The following THSD7B variants were observed in gnomAD, a reference collection of about 807,000 sequenced individuals.
THSD7B encodes thrombospondin type 1 domain containing 7B, also known as thrombospondin type-1 domain-containing protein 7B.
In THSD7B, 138 loss-of-function variants were observed where a neutral mutation model predicts 213.6. That is an observed-to-expected ratio of 0.65 (90% CI 0.56 to 0.74). The LOEUF (loss-of-function observed/expected upper bound fraction) is 0.74. THSD7B is among the 30% of genes least tolerant of loss of function. THSD7B has a pLI of 0.00. For missense variants in THSD7B, 1,931 were observed against 1,991.5 expected (o/e 0.97, Z 0.58); for synonymous variants, 742 against 687.0 (o/e 1.08, Z -1.25).
intron 5 of THSD7B, among the ~76,000 whole-genome samples, chr2:137,115,662 T>C (rs1054791118): frequency 1.3e-5 from 2 of 152,192 alleles, no homozygotes; most frequent in African/African-American, 4.8e-5. Context: ...TTTATGTGTG[T>C]GAATTTTTGA....
intron 1 of THSD7B, among the ~76,000 whole-genome samples, chr2:136,873,265 C>T (rs1302260099): frequency 6.6e-6 from 1 of 152,032 alleles, no homozygotes; most frequent in African/African-American, 2.4e-5. Context: ...ATATAGCAAA[C>T]CAAAGACACA....
chr2:136,912,102 C>G (rs1442370485), intron 2 of THSD7B, among the ~76,000 whole-genome samples: 1 of 151,864 alleles, frequency 6.6e-6, no homozygotes, highest in Non-Finnish European at 1.5e-5. Context: ...CACCTAAGGT[C>G]AAGAGTTCTA....
rs539294996 is a variant in THSD7B at position 137,273,003 on chromosome 2, A to G, written c.2396+341A>G. ...CTGGGGGCTGGGAGAAGAAATACAC[A>G]CCACACACACGGGAGAAGGAATACA... On this transcript the variant is annotated intron_variant, in intron 11 of 27. Transcript: ENST00000409968. Among the ~76,000 whole-genome samples, 188 of 138,754 alleles carry G rather than the reference A, an allele frequency of 1.4e-3. 1 individual carries two copies. Among genetic ancestry groups the G allele is most frequent in the Admixed American group, 4.9e-3 (66 of 13,470 alleles). The allele number at this position is 138,754 out of a possible 152,430, so 91.0% of individuals were successfully genotyped here.
At chr2:137,147,560 G>T (rs1035706830) in intron 5 of THSD7B, among the ~76,000 whole-genome samples, 3 of 151,586 alleles carry the variant, frequency 2.0e-5, no homozygotes, top group Admixed American at 6.6e-5. Flanking sequence ...CTTATAAAGA[G>T]GTTTAAGCTT....
intron 20 of THSD7B, among the ~76,000 whole-genome samples, chr2:137,638,204 T>C (rs1467966419): frequency 1.3e-5 from 2 of 152,170 alleles, no homozygotes; most frequent in African/African-American, 4.8e-5. Context: ...CCCAACCAAA[T>C]CTCAAACTTG....
chr2:137,552,210 T>TC (rs1419904272), intron 15 of THSD7B, among the ~76,000 whole-genome samples: 2 of 152,194 alleles, frequency 1.3e-5, no homozygotes, highest in Non-Finnish European at 2.9e-5. Context: ...GCTTTTTTTT[T>TC]CTATATAAAA....
Position 137,377,916 on chromosome 2 carries a change from C to T in THSD7B, c.2501-27697C>T, listed in dbSNP as rs576507369. ...CTGAAATTACAGGCATAAGCTACCG[C>T]GCCTGGACAAAATTCACCCTTTAAA... On this transcript the variant is annotated intron_variant, in intron 12 of 27. Coordinates refer to ENST00000409968, the MANE Select transcript of THSD7B (RefSeq NM_001316349.2). Among the ~76,000 whole-genome samples the T allele has an allele frequency of 9.2e-5, 14 of 152,228 alleles. No individual in the cohort carries two copies. In the East Asian group the frequency reaches 1.2e-3, roughly 13 times the overall value.
intron 12 of THSD7B, among the ~76,000 whole-genome samples, chr2:137,342,783 G>C (rs901168896): frequency 6.6e-6 from 1 of 151,616 alleles, no homozygotes. Context: ...TACCTAAAGA[G>C]ATGATCATAT....
At chr2:136,915,193 A>G (rs1684330263) in intron 2 of THSD7B, among the ~76,000 whole-genome samples, 1 of 152,152 alleles carries the variant, frequency 6.6e-6, no homozygotes, top group Admixed American at 6.5e-5. Flanking sequence ...AGCCTTTTTC[A>G]AGACATTTTA....
intron 15 of THSD7B, among the ~76,000 whole-genome samples, chr2:137,490,695 G>A (rs1251576383): frequency 6.6e-6 from 1 of 152,144 alleles, no homozygotes; most frequent in Non-Finnish European, 1.5e-5. Flanking sequence ...AGAAATGCCA[G>A]CTGAAGCATT....
At chr2:137,205,488 CTTTAA>C (rs71969091) in intron 7 of THSD7B, among the ~76,000 whole-genome samples, 90,631 of 151,398 alleles carry the variant, frequency 0.6, 27,483 homozygotes, top group South Asian at 0.71. Context: ...AGATTCAATC[CTTTAA>C]TTTAATTATG....
intron 12 of THSD7B, among the ~76,000 whole-genome samples, chr2:137,337,414 T>G (rs1180480469): frequency 6.6e-6 from 1 of 152,116 alleles, no homozygotes; most frequent in African/African-American, 2.4e-5. Flanking sequence ...TAGATTGAGG[T>G]TACACTTTCT....
At chr2:137,000,448 T>A (rs976566340) in intron 2 of THSD7B, among the ~76,000 whole-genome samples, 2 of 152,162 alleles carry the variant, frequency 1.3e-5, no homozygotes, top group African/African-American at 2.4e-5. Flanking sequence ...TGCATAAGTA[T>A]CTTTAGCATT....
At chr2:137,176,695 T>A (rs1168750311) in intron 7 of THSD7B, among the ~76,000 whole-genome samples, 1 of 152,242 alleles carries the variant, frequency 6.6e-6, no homozygotes, top group Non-Finnish European at 1.5e-5. Context: ...CTCTGTTCAC[T>A]GCAGTCTTGC....
Position 137,252,266 on chromosome 2 carries a change from CAAAAAAAAAAAA to C in THSD7B, c.2266+9707_2266+9718del. 3.4e-5 allele frequency among the ~76,000 whole-genome samples: 2 copies of C among 59,688 alleles called. 1 individual carries two copies. Among genetic ancestry groups the C allele is most frequent in the South Asian group, 2.3e-3 (2 of 868 alleles). The allele number at this position is 59,688 out of a possible 152,430, so 39.2% of individuals were successfully genotyped here. ...TGGGTGACAGAGCGAGACTCTGTCT[CAAAAAAAAAAAA>C]AAAAAAAAAAAACAAAGGGTTGGGG... On this transcript the variant is annotated intron_variant, in intron 10 of 27. Transcript: ENST00000409968.
chr2:137,637,676 A>C (rs1298136866), intron 20 of THSD7B, among the ~76,000 whole-genome samples: 4 of 152,220 alleles, frequency 2.6e-5, no homozygotes, highest in Non-Finnish European at 5.9e-5. Context: ...TTTCTTTTGC[A>C]TTTATTAGAT....
intron 10 of THSD7B, among the ~76,000 whole-genome samples, chr2:137,253,594 A>G (rs978558494): frequency 8.5e-5 from 13 of 152,174 alleles, no homozygotes; most frequent in African/African-American, 2.7e-4. Context: ...TGCAGACAAT[A>G]TAATATGATT....
chr2:137,450,673 C>T (rs989679956), intron 14 of THSD7B, among the ~76,000 whole-genome samples, 172 bp from the exon 15 acceptor site: 2 of 152,092 alleles, frequency 1.3e-5, no homozygotes, highest in Non-Finnish European at 2.9e-5. Flanking sequence ...AATTTGAATG[C>T]AGATGTCATA....
intron 12 of THSD7B, among the ~76,000 whole-genome samples, chr2:137,322,664 A>C (rs966034624): frequency 6.6e-6 from 1 of 152,194 alleles, no homozygotes; most frequent in South Asian, 2.1e-4. Flanking sequence ...CAGATCTTTA[A>C]AGCTAACACA....
Sources: gnomAD v4.1 joint callset for allele counts (sites outside exome capture counted in the v4.1 genomes callset) on GRCh38, gnomAD v4.1.1 for gene constraint, MANE v1.5 for transcripts, NCBI Gene and HGNC (gene_info 2026-07-23, HGNC 2026-07-21) for gene names.